SNTB2: variants seen among roughly 807,000 people sequenced by gnomAD.
SNTB2 encodes syntrophin beta 2.
A neutral mutation model predicts 46.2 loss-of-function variants in SNTB2; 34 were observed. The ratio of observed to expected loss-of-function variants is 0.74; its 90% CI spans 0.56 to 0.98. The LOEUF is 0.98. Ranked by LOEUF, SNTB2 falls within the 50% of genes least tolerant of loss-of-function variation. The pLI is 0.00. For synonymous variants in SNTB2, 290 were observed against 312.6 expected, an observed-to-expected ratio of 0.93 and a Z score of 0.76; for missense variants, 603 against 731.4, an observed-to-expected ratio of 0.82 and a Z score of 2.02.
At chr16:69,271,598 C>A (rs1038768651) in intron 4 of SNTB2, among the ~76,000 whole-genome samples, 2 of 152,062 alleles carry the variant, frequency 1.3e-5, no homozygotes, top group Non-Finnish European at 2.9e-5. Flanking sequence ...AGTAATCCTA[C>A]AAAAATATGT....
intron 4 of SNTB2, among the ~76,000 whole-genome samples, chr16:69,274,426 G>A (rs944796244): frequency 1.3e-5 from 2 of 152,084 alleles, no homozygotes; most frequent in Non-Finnish European, 2.9e-5. Context: ...GGCCACGGCG[G>A]GTGGATCACG....
intron 1 of SNTB2, among the ~76,000 whole-genome samples, chr16:69,213,660 C>T (rs549267603): frequency 4.6e-5 from 7 of 150,786 alleles, no homozygotes; most frequent in Non-Finnish European, 7.4e-5. Flanking sequence ...CCACCACGCC[C>T]GGCTAATTTT....
chr16:69,215,471 G>A (rs1270612205), intron 1 of SNTB2, among the ~76,000 whole-genome samples: 3 of 152,140 alleles, frequency 2.0e-5, no homozygotes, highest in Admixed American at 2.0e-4. Context: ...CTCATTCCAG[G>A]TACTTCTTTG....
At chr16:69,258,307 T>C (rs1964798190) in intron 2 of SNTB2, among the ~76,000 whole-genome samples, 3 of 152,218 alleles carry the variant, frequency 2.0e-5, no homozygotes, top group Admixed American at 2.0e-4. Context: ...CATTTATTTA[T>C]TTATTTGACT....
chr16:69,303,836 C>T lies in SNTB2; in HGVS notation c.*2912C>T, dbSNP rs976621843. On this transcript the variant is annotated 3_prime_UTR_variant, in exon 7 of 7. Coordinates refer to ENST00000336278, the MANE Select transcript of SNTB2 (RefSeq NM_006750.4). The stretch of plus-strand genomic sequence containing the variant: ...AATGATAACTACAAATGGGAATTTT[C>T]GATATTCTACCTTTTTTATAGAACC... 28 of 152,614 alleles carry T rather than the reference C, an allele frequency of 1.8e-4. No individual in the cohort carries two copies. Among genetic ancestry groups the T allele is most frequent in the African/African-American group, 6.0e-4 (25 of 41,520 alleles). 9.5% of individuals were successfully genotyped at this position (152,614 alleles called of 1,614,324 possible).
intron 2 of SNTB2, among the ~76,000 whole-genome samples, chr16:69,255,911 G>A (rs1166885842): frequency 2.6e-5 from 4 of 151,048 alleles, no homozygotes; most frequent in Middle Eastern, 3.4e-3. Context: ...GGTGGGGGGC[G>A]ACGCAGTGGC....
At chr16:69,219,299 C>T (rs1258366445) in intron 1 of SNTB2, among the ~76,000 whole-genome samples, 1 of 152,118 alleles carries the variant, frequency 6.6e-6, no homozygotes, top group Non-Finnish European at 1.5e-5. Flanking sequence ...CATCAAGGGC[C>T]ATCATGGAAG....
rs913199945 is a variant in SNTB2, at chr16:69,292,078, G to T, written c.1346-7512G>T. Among the ~76,000 whole-genome samples, 3 of 150,844 alleles carry T rather than the reference G, an allele frequency of 2.0e-5. No individual in the cohort carries two copies. In the Admixed American group the frequency reaches 2.0e-4, roughly 10 times the overall value. On this transcript the variant is annotated intron_variant, in intron 5 of 6. Coordinates refer to ENST00000336278, the MANE Select transcript of SNTB2 (RefSeq NM_006750.4). The stretch of plus-strand genomic sequence containing the variant: ...ACTAAAAATACAAAAAATTAGCCGG[G>T]TGTGGTGGCAGGTGCCTGTGTGGTG...
chr16:69,205,254 A>G (rs796403459), intron 1 of SNTB2, among the ~76,000 whole-genome samples: 2 of 151,312 alleles, frequency 1.3e-5, no homozygotes, highest in East Asian at 1.9e-4. Flanking sequence ...GGTTCAAGCA[A>G]TTCTCCTGCC....
At chr16:69,235,642 A>C in intron 1 of SNTB2, 1 of 1,198,120 alleles carries the variant, frequency 8.3e-7, no homozygotes, top group Non-Finnish European at 1.1e-6. Flanking sequence ...GGGAGCAGAA[A>C]GAAAGAAAAC....
At chr16:69,264,157 CT>C (rs917424700) in intron 3 of SNTB2, among the ~76,000 whole-genome samples, 1 of 152,148 alleles carries the variant, frequency 6.6e-6, no homozygotes, top group African/African-American at 2.4e-5. Flanking sequence ...GGCACTGCTG[CT>C]GCTACTATCT....
At chr16:69,295,769 T>C (rs893653948) in intron 5 of SNTB2, among the ~76,000 whole-genome samples, 2 of 150,448 alleles carry the variant, frequency 1.3e-5, no homozygotes, top group African/African-American at 4.9e-5. Flanking sequence ...CACACACACA[T>C]AGCTGTTAAA....
intron 5 of SNTB2, 28 bp downstream of exon 5, chr16:69,284,272 T>G (rs538903914): frequency 2.4e-5 from 38 of 1,565,520 alleles, no homozygotes; most frequent in Non-Finnish European, 3.1e-5. Context: ...TTATTTCTAG[T>G]AGTAATTAAA....
intron 1 of SNTB2, among the ~76,000 whole-genome samples, chr16:69,238,410 C>T (rs1472994264): frequency 6.6e-6 from 1 of 152,168 alleles, no homozygotes; most frequent in Non-Finnish European, 1.5e-5. Flanking sequence ...GGTTTCCCTG[C>T]ACTCTGCCCA....
At chr16:69,278,140 G>A (rs1964999470) in intron 4 of SNTB2, among the ~76,000 whole-genome samples, 1 of 152,042 alleles carries the variant, frequency 6.6e-6, no homozygotes. Flanking sequence ...AACATAATGA[G>A]ACCACATCTC....
intron 1 of SNTB2, among the ~76,000 whole-genome samples, chr16:69,190,307 C>T (rs1225124194): frequency 6.6e-6 from 1 of 152,156 alleles, no homozygotes; most frequent in Non-Finnish European, 1.5e-5. Flanking sequence ...CACACTTTTG[C>T]CAATCCCACA....
intron 2 of SNTB2, among the ~76,000 whole-genome samples, chr16:69,251,708 G>T (rs1341262484): frequency 6.6e-6 from 1 of 152,090 alleles, no homozygotes. Context: ...AACTCGGTAG[G>T]CAGAGGTTGT....
chr16:69,200,969 T>C (rs1396374515), intron 1 of SNTB2, among the ~76,000 whole-genome samples: 2 of 152,236 alleles, frequency 1.3e-5, no homozygotes, highest in South Asian at 2.1e-4. Flanking sequence ...CCAAACACTT[T>C]ACCGAGTTGC....
chr16:69,271,166 A>G (rs545811200), intron 4 of SNTB2, among the ~76,000 whole-genome samples: 11 of 152,238 alleles, frequency 7.2e-5, no homozygotes, highest in African/African-American at 2.4e-4. Flanking sequence ...CTTCCTTTAC[A>G]TATATTATTC....
Sources: allele counts gnomAD v4.1 joint callset (sites outside exome capture counted in the v4.1 genomes callset), GRCh38; gene constraint gnomAD v4.1.1; transcripts MANE v1.5; gene names NCBI Gene and HGNC (gene_info 2026-07-23, HGNC 2026-07-21).